The following USH2A variants were observed in gnomAD, a reference collection of about 807,000 sequenced individuals.
The protein encoded by USH2A is usherin, also known as Usher syndrome 2A (autosomal recessive, mild).
USH2A carries 443 observed loss-of-function variants against 538.9 expected under a neutral mutation model. The observed-to-expected ratio is 0.82, with a 90% CI of 0.76 to 0.89. The LOEUF (loss-of-function observed/expected upper bound fraction) is 0.89, where lower values mean the gene tolerates loss of function less well. Ranked by LOEUF, USH2A falls within the 40% of genes least tolerant of loss-of-function variation. The pLI, the probability that USH2A is intolerant of heterozygous loss-of-function variation, is 0.00. For synonymous variants in USH2A, 2,413 were observed against 2,273.5 expected, an observed-to-expected ratio of 1.06 and a Z score of -1.75; for missense variants, 6,633 against 6,324.8, an observed-to-expected ratio of 1.05 and a Z score of -1.65.
At chr1:216,271,425 A>G (rs2036574208) in intron 11 of USH2A, among the ~76,000 whole-genome samples, 1 of 152,092 alleles carries the variant, frequency 6.6e-6, no homozygotes, top group Admixed American at 6.6e-5. Context: ...ATGCTTGCCA[A>G]GCAATTTTTA....
chr1:216,116,921 G>A (rs1182606044), intron 21 of USH2A, among the ~76,000 whole-genome samples: 1 of 152,082 alleles, frequency 6.6e-6, no homozygotes, highest in Non-Finnish European at 1.5e-5. Flanking sequence ...TGAGTGTGCT[G>A]GAATAGTCAC....
chr1:216,004,177 T>TTC (rs1387018100), intron 32 of USH2A, among the ~76,000 whole-genome samples: 3 of 152,094 alleles, frequency 2.0e-5, no homozygotes, highest in Non-Finnish European at 4.4e-5. Flanking sequence ...CAAGAGGAGA[T>TTC]TGTCAGGATA....
intron 61 of USH2A, among the ~76,000 whole-genome samples, chr1:215,693,726 A>T (rs1460156947): frequency 2.0e-5 from 3 of 152,208 alleles, no homozygotes; most frequent in Non-Finnish European, 4.4e-5. Flanking sequence ...CTCATACATC[A>T]TGGAGCCTCT....
In USH2A at chr1:215,692,010, C is replaced by T. The variant is rs533735593; in HGVS notation, c.12067-11634G>A. 3.3e-5 allele frequency among the ~76,000 whole-genome samples: 5 copies of T among 152,108 alleles called. No homozygotes were observed. The South Asian group carries it at 1.0e-3, about 32-fold the overall frequency. On this transcript the variant is annotated intron_variant, in intron 61 of 71. Transcript: ENST00000307340. The stretch of plus-strand genomic sequence containing the variant: ...AGGAAATCAGTAATAGAAGCTGAGA[C>T]CAGGACAATAAAGGGAAGAAAACCA...
In USH2A at chr1:216,113,676, TAA is replaced by T. The variant is rs368281484; in HGVS notation, c.4628-16465_4628-16464del. ...TATGGTTTCTTTGTCTGTCACTTGT[TAA>T]AGTCATTTACTTTTTTTTAACAATT... is the stretch of plus-strand genomic sequence containing the variant. On this transcript the variant is annotated intron_variant, in intron 21 of 71. Coordinates refer to ENST00000307340, the MANE Select transcript of USH2A (RefSeq NM_206933.4). Among the ~76,000 whole-genome samples the T allele has an allele frequency of 1.7e-3, 259 of 152,198 alleles. 4 individuals carry two copies. In the South Asian group the frequency reaches 0.025, roughly 15 times the overall value.
chr1:216,295,259 T>G (rs1006313337), intron 9 of USH2A, among the ~76,000 whole-genome samples: 10 of 151,804 alleles, frequency 6.6e-5, no homozygotes, highest in African/African-American at 2.4e-4. Context: ...TTTAATTGTT[T>G]GACCTATTGA....
At chr1:215,984,546 C>A (rs1056054073) in intron 35 of USH2A, among the ~76,000 whole-genome samples, 2 of 152,120 alleles carry the variant, frequency 1.3e-5, no homozygotes, top group Non-Finnish European at 2.9e-5. Context: ...TAAAGCATAT[C>A]CACTGGGATA....
intron 13 of USH2A, among the ~76,000 whole-genome samples, chr1:216,237,494 T>TAAAAAAA (rs59074625): frequency 2.6e-5 from 3 of 114,286 alleles, no homozygotes; most frequent in Non-Finnish European, 3.6e-5. Flanking sequence ...GACTCCGTCT[T>TAAAAAAA]AAAAAAAAAA....
chr1:216,066,170 G>A (rs72746304), intron 30 of USH2A, among the ~76,000 whole-genome samples: 209 of 151,722 alleles, frequency 1.4e-3, no homozygotes, highest in South Asian at 7.1e-3. Flanking sequence ...TTTTTGGGCA[G>A]TGTAAAAATT....
Position 216,217,415 on chromosome 1 carries a change from A to G in USH2A, c.3129T>C (p.Asp1043=), listed in dbSNP as rs1363385361. Residue 1043 remains aspartate, a synonymous_variant, in exon 15 of 72, where the codon GAT becomes GAC. Transcript: ENST00000307340. ...TGCTGCAACCCAATAGATTGTTGAC[A>G]TCCAAGTGGCTTGCACTGGGAACAC... The part of the protein sequence containing the change: ...DACVPSASHL[D]VNNLLGCSKT... 2.5e-6 allele frequency: 4 copies of G among 1,613,072 alleles called. No individual in the cohort carries two copies. The highest frequency in any genetic ancestry group is 3.4e-6 in the Non-Finnish European group (4 of 1,179,400).
At chr1:215,963,256 C>T (rs558055387) in intron 37 of USH2A, among the ~76,000 whole-genome samples, 5 of 152,120 alleles carry the variant, frequency 3.3e-5, no homozygotes, top group East Asian at 1.9e-4. Context: ...CCTCCCTACC[C>T]TCAGTGTAAA....
intron 3 of USH2A, among the ~76,000 whole-genome samples, chr1:216,389,185 G>T (rs916403297): frequency 2.0e-5 from 3 of 152,128 alleles, no homozygotes; most frequent in African/African-American, 7.2e-5. Flanking sequence ...ATTCCCATAT[G>T]TGTAACAATA....
At chr1:216,079,268 T>C (rs1396265875) in intron 26 of USH2A, 1 of 152,148 alleles carries the variant, frequency 6.6e-6, no homozygotes, top group Non-Finnish European at 1.5e-5. Context: ...ATGTGCCATA[T>C]ACCTGCTGCT....
At chr1:216,012,096 C>T (rs1668589476) in intron 32 of USH2A, among the ~76,000 whole-genome samples, 1 of 83,184 alleles carries the variant, frequency 1.2e-5, no homozygotes, top group African/African-American at 4.0e-5. Context: ...ACGCCATTCT[C>T]CTGCCTCAGC....
intron 40 of USH2A, among the ~76,000 whole-genome samples, chr1:215,892,726 G>C (rs1456068587): frequency 6.6e-6 from 1 of 152,054 alleles, no homozygotes; most frequent in Non-Finnish European, 1.5e-5. Flanking sequence ...AATTAAGAAT[G>C]GGCACTGCAG....
intron 3 of USH2A, among the ~76,000 whole-genome samples, chr1:216,370,389 G>C (rs1394197990): frequency 6.6e-6 from 1 of 150,784 alleles, no homozygotes; most frequent in Non-Finnish European, 1.5e-5. Context: ...AAAAAGAATA[G>C]CTTGGTGCGG....
Position 216,190,166 on chromosome 1 carries a change from A to T in USH2A, c.4396+57T>A. ...TCAAGTAGAGAAGGTGTTGAATATT[A>T]TAAGTTTTTTTTCTTGATAGGCAAC... On this transcript the variant is annotated intron_variant, in intron 20 of 71. Coordinates refer to ENST00000307340, the MANE Select transcript of USH2A (RefSeq NM_206933.4). 3.1e-6 allele frequency: 5 copies of T among 1,606,576 alleles called. No individual in the cohort carries two copies. The South Asian group carries it at 5.5e-5, about 18-fold the overall frequency.
intron 10 of USH2A, among the ~76,000 whole-genome samples, chr1:216,291,150 T>C (rs1461502234): frequency 4.8e-5 from 4 of 83,886 alleles, no homozygotes; most frequent in African/African-American, 1.2e-4. Context: ...TCCTTGACCT[T>C]AGATAAAAGC....
intron 32 of USH2A, among the ~76,000 whole-genome samples, chr1:216,031,639 T>C (rs1001253661): frequency 1.3e-5 from 2 of 152,200 alleles, no homozygotes; most frequent in African/African-American, 2.4e-5. Context: ...GTTCCAACTA[T>C]GTGTTTTCTA....
Sources: gnomAD v4.1 joint callset for allele counts (sites outside exome capture counted in the v4.1 genomes callset) on GRCh38, gnomAD v4.1.1 for gene constraint, MANE v1.5 for transcripts, NCBI Gene and HGNC (gene_info 2026-07-23, HGNC 2026-07-21) for gene names.